Variants in MAN2A1 observed in about 807,000 individuals in gnomAD.
The protein encoded by MAN2A1 is mannosidase alpha class 2A member 1.
A neutral mutation model predicts 142.6 loss-of-function variants in MAN2A1; 76 were observed. The observed-to-expected ratio is 0.53, with a 90% CI of 0.44 to 0.65. MAN2A1 has a LOEUF of 0.65. MAN2A1 is among the 30% of genes least tolerant of loss of function. MAN2A1 has a pLI of 0.00. For missense variants in MAN2A1, 1,311 were observed against 1,365.1 expected (o/e 0.96, Z 0.62); for synonymous variants, 559 against 473.2 (o/e 1.18, Z -2.35).
At chr5:109,778,619 A>G (rs539989308) in intron 8 of MAN2A1, among the ~76,000 whole-genome samples, 93 of 152,144 alleles carry the variant, frequency 6.1e-4, no homozygotes, top group African/African-American at 2.1e-3. Context: ...GTCTTGTGCA[A>G]TGATTGAACC....
intron 15 of MAN2A1, among the ~76,000 whole-genome samples, chr5:109,821,544 A>AT (rs1423096254): frequency 6.6e-6 from 1 of 152,136 alleles, no homozygotes; most frequent in African/African-American, 2.4e-5. Context: ...TCCCACCAGC[A>AT]TTTTTTGAGA....
At chr5:109,830,234 A>G (rs1464908986) in intron 16 of MAN2A1, among the ~76,000 whole-genome samples, 2 of 152,210 alleles carry the variant, frequency 1.3e-5, no homozygotes, top group Admixed American at 1.3e-4. Context: ...AGGGAATCAC[A>G]TTGGGATTTG....
At position 109,800,574 on chromosome 5, in the gene MAN2A1, A is replaced by G. The variant is rs577530463; in HGVS notation, c.1943+11047A>G. Among the ~76,000 whole-genome samples, 5 of 152,262 alleles carry G rather than the reference A, an allele frequency of 3.3e-5. No individual in the cohort carries two copies. The South Asian group carries it at 8.3e-4, about 25-fold the overall frequency. On this transcript the variant is annotated intron_variant, in intron 12 of 21. Transcript: ENST00000261483. ...TGAACAAATATTTTAAAAGACTTAA[A>G]TGTTTATCAGTAATGAATTGGTCAA...
Position 109,690,190 on chromosome 5 carries a change from A to G in MAN2A1, c.-228A>G, listed in dbSNP as rs1750622721. On this transcript the variant is annotated 5_prime_UTR_variant, in exon 1 of 22. Transcript: ENST00000261483. ...AGTTGCCGGCGAGTCTCGCCTCGAG[A>G]GGGGCGCCCGACCCCGGGGAGGGCG... 3 of 502,258 alleles carry G rather than the reference A, an allele frequency of 6.0e-6. No individual in the cohort carries two copies. The highest frequency in any genetic ancestry group is 1.1e-5 in the Non-Finnish European group (3 of 278,132). The allele number at this position is 502,258 out of a possible 1,614,324, so 31.1% of individuals were successfully genotyped here.
At chr5:109,851,649 C>A (rs1286209683) in intron 19 of MAN2A1, among the ~76,000 whole-genome samples, 2 of 152,072 alleles carry the variant, frequency 1.3e-5, no homozygotes, top group Admixed American at 6.6e-5. Context: ...ATTATCCAGT[C>A]TGTGGTATTC....
At chr5:109,798,712 C>T (rs188741773) in intron 12 of MAN2A1, among the ~76,000 whole-genome samples, 22 of 152,140 alleles carry the variant, frequency 1.4e-4, no homozygotes, top group African/African-American at 5.3e-4. Flanking sequence ...GATGGAGTAT[C>T]GCTCTGTCGC....
intron 17 of MAN2A1, among the ~76,000 whole-genome samples, chr5:109,844,581 T>G (rs1426486371): frequency 5.3e-5 from 8 of 152,166 alleles, no homozygotes; most frequent in Admixed American, 5.2e-4. Flanking sequence ...AAAACTTTAT[T>G]CTTTCACAGT....
intron 4 of MAN2A1, among the ~76,000 whole-genome samples, chr5:109,754,368 T>A (rs578085833): frequency 6.6e-6 from 1 of 152,168 alleles, no homozygotes; most frequent in South Asian, 2.1e-4. Flanking sequence ...GGCAAAGGAA[T>A]ACCCAATAGA....
At position 109,767,460 on chromosome 5, in the gene MAN2A1, G is replaced by A. The variant is rs536333921; in HGVS notation, c.836-75G>A. On this transcript the variant is annotated intron_variant, in intron 5 of 21. Transcript: ENST00000261483. ...CTAGGAGACTATACAATGACAATGA[G>A]TCTGAATGTGTTGTGACTTCTTTTT... 8.2e-6 allele frequency: 10 copies of A among 1,216,518 alleles called. No individual in the cohort carries two copies. In the East Asian group the frequency reaches 1.9e-4, roughly 23 times the overall value. 75.4% of individuals were successfully genotyped at this position (1,216,518 alleles called of 1,614,324 possible).
In MAN2A1 at chr5:109,702,652, T is replaced by A. The variant is rs531669668; in HGVS notation, c.136-10868T>A. Among the ~76,000 whole-genome samples the A allele has an allele frequency of 2.6e-5, 4 of 152,346 alleles. No homozygotes were observed. The South Asian group carries it at 8.3e-4, about 32-fold the overall frequency. On this transcript the variant is annotated intron_variant, in intron 1 of 21. Coordinates refer to ENST00000261483, the MANE Select transcript of MAN2A1 (RefSeq NM_002372.4). Reference sequence around the variant, plus strand: ...ACTTGATGTATAGGATATTTCTTGCTACTTTTAGGTAGAAGATCCAACCAA... The same window carrying A: ...ACTTGATGTATAGGATATTTCTTGCAACTTTTAGGTAGAAGATCCAACCAA...
chr5:109,764,007 G>A (rs1183259676), intron 5 of MAN2A1, among the ~76,000 whole-genome samples: 1 of 151,900 alleles, frequency 6.6e-6, no homozygotes, highest in African/African-American at 2.4e-5. Context: ...TACCATGTTG[G>A]TCAGGCTGGT....
intron 3 of MAN2A1, among the ~76,000 whole-genome samples, chr5:109,717,637 C>A (rs755819000): frequency 2.0e-5 from 3 of 152,028 alleles, no homozygotes; most frequent in African/African-American, 7.2e-5. Flanking sequence ...CCTTTTAAAT[C>A]AAAACTCAGG....
chr5:109,743,533 C>T (rs1306328223), intron 4 of MAN2A1, among the ~76,000 whole-genome samples: 1 of 152,174 alleles, frequency 6.6e-6, no homozygotes, highest in African/African-American at 2.4e-5. Context: ...GCCAGGCAGT[C>T]TTGCCCCAGA....
chr5:109,727,005 A>G (rs1236390451), intron 3 of MAN2A1, among the ~76,000 whole-genome samples: 1 of 152,240 alleles, frequency 6.6e-6, no homozygotes, highest in Non-Finnish European at 1.5e-5. Context: ...AAATAGATTT[A>G]CTTACGTACA....
chr5:109,742,235 T>C (rs1233224187), intron 4 of MAN2A1, among the ~76,000 whole-genome samples: 1 of 152,234 alleles, frequency 6.6e-6, no homozygotes, highest in African/African-American at 2.4e-5. Context: ...ACCCACGAAT[T>C]ATTAGAACCT....
At chr5:109,785,016 A>G (rs1324558559) in intron 10 of MAN2A1, 90 bp downstream of exon 10, 2 of 848,564 alleles carry the variant, frequency 2.4e-6, no homozygotes, top group African/African-American at 1.7e-5. Flanking sequence ...GTTAGTGTAT[A>G]TCAAACCACA....
chr5:109,716,055 C>A, intron 2 of MAN2A1, 65 bp from the exon 3 acceptor site: 1 of 1,166,696 alleles, frequency 8.6e-7, no homozygotes, highest in Non-Finnish European at 1.2e-6. Context: ...TAATTTTGAG[C>A]AAATATTTAC....
intron 16 of MAN2A1, among the ~76,000 whole-genome samples, chr5:109,833,496 C>T (rs12109133): frequency 0.17 from 26,213 of 152,100 alleles, 3,225 homozygotes; most frequent in East Asian, 0.64. Context: ...GGCAAAACCC[C>T]GTCTCCACCA....
At chr5:109,797,736 C>T (rs1479484878) in intron 12 of MAN2A1, among the ~76,000 whole-genome samples, 1 of 151,812 alleles carries the variant, frequency 6.6e-6, no homozygotes, top group Non-Finnish European at 1.5e-5. Flanking sequence ...AAAGAGCCAC[C>T]CCGAGTACAC....
Sources: allele counts gnomAD v4.1 joint callset (sites outside exome capture counted in the v4.1 genomes callset), GRCh38; gene constraint gnomAD v4.1.1; transcripts MANE v1.5; gene names NCBI Gene and HGNC (gene_info 2026-07-23, HGNC 2026-07-21).